SVBP: variants seen among roughly 807,000 people sequenced by gnomAD.
The protein encoded by SVBP is small vasohibin binding protein.
In SVBP, 9 loss-of-function variants were observed where a neutral mutation model predicts 9.2. The ratio of observed to expected loss-of-function variants is 0.98; its 90% CI spans 0.59 to 1.71. The LOEUF (loss-of-function observed/expected upper bound fraction) is 1.71, where lower values mean the gene tolerates loss of function less well. SVBP is among the 40% of genes most tolerant of loss of function. The pLI is 0.00. For missense variants in SVBP, 63 were observed against 73.2 expected (o/e 0.86, Z 0.51); for synonymous variants, 27 against 23.9 (o/e 1.13, Z -0.37).
At chr1:42,816,940 G>A (rs537403006) in intron 1 of SVBP, 8 of 164,064 alleles carry the variant, frequency 4.9e-5, no homozygotes, top group African/African-American at 1.9e-4. Flanking sequence ...GTCCTAATGG[G>A]ACGCTGAGAC....
rs1570519836 is a variant in SVBP at position 42,816,236 on chromosome 1, A to G, written c.114+195T>C. 5.6e-5 allele frequency: 29 copies of G among 518,064 alleles called. No homozygotes were observed. The East Asian group carries it at 9.5e-4, about 17-fold the overall frequency. 32.1% of individuals were successfully genotyped at this position (518,064 alleles called of 1,614,324 possible). On this transcript the variant is annotated intron_variant, in intron 2 of 2. Coordinates refer to ENST00000372521, the MANE Select transcript of SVBP (RefSeq NM_199342.4). Reference sequence around the variant, plus strand: ...CTCCGCACCAGACTGGGGTTCTGACACTAACTTGGCATGTGATTCTGGGCT... The same window carrying G: ...CTCCGCACCAGACTGGGGTTCTGACGCTAACTTGGCATGTGATTCTGGGCT...
chr1:42,808,141 GTGTGTGTGTATATATATATATA>G lies in SVBP; in HGVS notation c.115-663_115-642del, dbSNP rs1364938481. 2.6e-4 allele frequency among the ~76,000 whole-genome samples: 11 copies of G among 41,684 alleles called. 1 individual carries two copies. The highest frequency in any genetic ancestry group is 9.8e-4 in the Admixed American group (4 of 4,086). 27.3% of individuals were successfully genotyped at this position (41,684 alleles called of 152,430 possible). On this transcript the variant is annotated intron_variant, in intron 2 of 2. Transcript: ENST00000372521. ...GGGGAGCAATGTGAATATAGTGTGT[GTGTGTGTGTATATATATATATA>G]TATATATATATATATACATACTATG...
At chr1:42,813,240 T>C (rs1654117136) in intron 2 of SVBP, among the ~76,000 whole-genome samples, 1 of 152,218 alleles carries the variant, frequency 6.6e-6, no homozygotes, top group Non-Finnish European at 1.5e-5. Flanking sequence ...CTTTTCAAAA[T>C]GATGGTCAAG....
chr1:42,812,954 G>A (rs1654111252), intron 2 of SVBP, among the ~76,000 whole-genome samples: 1 of 152,034 alleles, frequency 6.6e-6, no homozygotes, highest in Non-Finnish European at 1.5e-5. Context: ...AGTATTACAT[G>A]GTAAAAGGCA....
rs1365047217 is a variant in SVBP, at chr1:42,817,297, C to T, written c.-144G>A. 1.7e-6 allele frequency: 2 copies of T among 1,196,178 alleles called. No homozygotes were observed. The highest frequency in any genetic ancestry group is 2.2e-6 in the Non-Finnish European group (2 of 929,838). 74.1% of individuals were successfully genotyped at this position (1,196,178 alleles called of 1,614,324 possible). On this transcript the variant is annotated 5_prime_UTR_variant, in exon 1 of 3. Coordinates refer to ENST00000372521, the MANE Select transcript of SVBP (RefSeq NM_199342.4). Reference sequence around the variant, plus strand: ...CGACCACTGGACCCAGCGCTGCCTGCCCACCGCCCCTCGTCCTGGGCGGGG... The same window carrying T: ...CGACCACTGGACCCAGCGCTGCCTGTCCACCGCCCCTCGTCCTGGGCGGGG...
intron 2 of SVBP, among the ~76,000 whole-genome samples, chr1:42,814,711 G>A (rs1323039699): frequency 2.0e-5 from 3 of 152,092 alleles, no homozygotes; most frequent in South Asian, 2.1e-4. Flanking sequence ...TAAAAAGTCA[G>A]GAAACAACAG....
chr1:42,810,173 A>G (rs1368585966), intron 2 of SVBP, among the ~76,000 whole-genome samples: 1 of 151,960 alleles, frequency 6.6e-6, no homozygotes, highest in African/African-American at 2.4e-5. Flanking sequence ...TTTTGTGAGC[A>G]GAGTCTTGCT....
intron 2 of SVBP, among the ~76,000 whole-genome samples, chr1:42,810,905 C>T (rs1157453832): frequency 1.3e-5 from 2 of 152,086 alleles, no homozygotes; most frequent in East Asian, 1.9e-4. Context: ...TTTGGGAGGC[C>T]GAGGTGTGCG....
In SVBP at chr1:42,808,174, T is replaced by TATATAC. The variant is rs1438449895; in HGVS notation, c.115-680_115-675dup. Among the ~76,000 whole-genome samples the TATATAC allele has an allele frequency of 2.9e-4, 23 of 78,650 alleles. 1 individual carries two copies. The highest frequency in any genetic ancestry group is 6.6e-4 in the Admixed American group (5 of 7,526). The allele number at this position is 78,650 out of a possible 152,430, so 51.6% of individuals were successfully genotyped here. A position where few individuals can be genotyped will look rare whatever the true frequency, so the allele number is the denominator to read the frequency against. On this transcript the variant is annotated intron_variant, in intron 2 of 2. Coordinates refer to ENST00000372521, the MANE Select transcript of SVBP (RefSeq NM_199342.4). ...GTATATATATATATATATATATATA[T>TATATAC]ATATACATACTATGTATAGTATATA...
chr1:42,810,894 CT>C (rs1196101848), intron 2 of SVBP, among the ~76,000 whole-genome samples: 2 of 152,152 alleles, frequency 1.3e-5, no homozygotes, highest in Non-Finnish European at 2.9e-5. Context: ...AATCCCAGCA[CT>C]TTGGGAGGCC....
chr1:42,813,709 G>A (rs1337764042), intron 2 of SVBP: 3 of 532,784 alleles, frequency 5.6e-6, no homozygotes, highest in East Asian at 5.4e-5. Flanking sequence ...TTCCTCCAGT[G>A]AGAGCTCCCT....
chr1:42,808,149 G>GTATATATATATA (rs781743959), intron 2 of SVBP, among the ~76,000 whole-genome samples: 55 of 58,086 alleles, frequency 9.5e-4, no homozygotes, highest in Admixed American at 1.7e-3. Context: ...GTGTGTGTGT[G>GTATATATATATA]TATATATATA....
chr1:42,814,540 C>T (rs1231449078), intron 2 of SVBP, among the ~76,000 whole-genome samples: 4 of 151,710 alleles, frequency 2.6e-5, no homozygotes, highest in Non-Finnish European at 5.9e-5. Flanking sequence ...TGCTTGCACC[C>T]GGGAGGCAGA....
intron 2 of SVBP, among the ~76,000 whole-genome samples, chr1:42,811,125 C>T (rs746733209): frequency 4.6e-4 from 69 of 150,570 alleles, no homozygotes; most frequent in Non-Finnish European, 9.0e-4. Context: ...GGTGACAGAG[C>T]GAGACTCCGT....
At chr1:42,814,090 C>CTTTTTTT (rs548637240) in intron 2 of SVBP, among the ~76,000 whole-genome samples, 2 of 144,502 alleles carry the variant, frequency 1.4e-5, no homozygotes, top group Admixed American at 6.8e-5. Context: ...AGTTCTTTTT[C>CTTTTTTT]TTTTTTTTTT....
intron 2 of SVBP, among the ~76,000 whole-genome samples, chr1:42,815,706 C>T (rs530195816): frequency 8.4e-4 from 128 of 151,676 alleles, no homozygotes; most frequent in Middle Eastern, 3.4e-3. Context: ...AAGCAAAATG[C>T]AAAATAAAAT....
At chr1:42,808,170 T>TAC (rs1654005303) in intron 2 of SVBP, among the ~76,000 whole-genome samples, 1 of 124,762 alleles carries the variant, frequency 8.0e-6, no homozygotes, top group Non-Finnish European at 1.6e-5. Context: ...TATATATATA[T>TAC]ATATATATAC....
intron 2 of SVBP, among the ~76,000 whole-genome samples, chr1:42,812,293 T>C (rs1654098930): frequency 6.6e-6 from 1 of 152,194 alleles, no homozygotes; most frequent in African/African-American, 2.4e-5. Context: ...AAGTGAAGAA[T>C]AAGAATGAAA....
rs957978530 is a variant in SVBP at position 42,817,281 on chromosome 1, G to A, written c.-128C>T. 85 of 1,223,608 alleles carry A rather than the reference G, an allele frequency of 6.9e-5. No homozygotes were observed. The highest frequency in any genetic ancestry group is 8.6e-5 in the Non-Finnish European group (82 of 952,884). The allele number at this position is 1,223,608 out of a possible 1,614,324, so 75.8% of individuals were successfully genotyped here. A position where few individuals can be genotyped will look rare whatever the true frequency, so the allele number is the denominator to read the frequency against. On this transcript the variant is annotated 5_prime_UTR_variant, in exon 1 of 3. Transcript: ENST00000372521. ...AATCCTCGCCTTCCCCCGACCACTGGACCCAGCGCTGCCTGCCCACCGCCC... is the reference window on the plus strand; with the variant it reads ...AATCCTCGCCTTCCCCCGACCACTGAACCCAGCGCTGCCTGCCCACCGCCC...
Sources: allele counts gnomAD v4.1 joint callset (sites outside exome capture counted in the v4.1 genomes callset), GRCh38; gene constraint gnomAD v4.1.1; transcripts MANE v1.5; gene names NCBI Gene and HGNC (gene_info 2026-07-23, HGNC 2026-07-21).